Variants in TFEC observed in about 807,000 individuals in gnomAD.
TFEC encodes transcription factor EC.
Under a neutral mutation model 41.6 loss-of-function variants are expected in TFEC, and 31 were observed. The ratio of observed to expected loss-of-function variants is 0.74; its 90% CI spans 0.56 to 1.01. TFEC has a LOEUF of 1.01. TFEC is among the 50% of genes least tolerant of loss of function. The pLI, the probability that TFEC is intolerant of heterozygous loss-of-function variation, is 0.00. For missense variants in TFEC, 402 were observed against 404.1 expected (o/e 0.99, Z 0.04); for synonymous variants, 143 against 140.6 (o/e 1.02, Z -0.12).
At chr7:116,105,265 A>G (rs1480507170) in intron 3 of TFEC, among the ~76,000 whole-genome samples, 1 of 152,212 alleles carries the variant, frequency 6.6e-6, no homozygotes, top group Non-Finnish European at 1.5e-5. Context: ...CCACTAGTAC[A>G]TATGCAGTAG....
chr7:116,153,776 A>C (rs1798812802), intron 1 of TFEC, among the ~76,000 whole-genome samples: 1 of 152,216 alleles, frequency 6.6e-6, no homozygotes, highest in Non-Finnish European at 1.5e-5. Flanking sequence ...CACTGCATAA[A>C]AAAAAGATTA....
chr7:116,043,443 G>T (rs2130928477), intron 3 of TFEC, among the ~76,000 whole-genome samples: 1 of 152,190 alleles, frequency 6.6e-6, no homozygotes, highest in South Asian at 2.1e-4. Flanking sequence ...ATGGAAAAAA[G>T]TTCTTAAAGG....
At chr7:115,978,080 G>C (rs1454339606) in intron 2 of TFEC, among the ~76,000 whole-genome samples, 1 of 151,998 alleles carries the variant, frequency 6.6e-6, no homozygotes, top group Non-Finnish European at 1.5e-5. Context: ...GAATATAAAT[G>C]AGTTAACATA....
intron 6 of TFEC, 94 bp downstream of exon 6, chr7:115,950,780 C>T: frequency 1.1e-6 from 1 of 898,968 alleles, no homozygotes. Flanking sequence ...TGCTTAGTTT[C>T]CTAGTCATTG....
intron 1 of TFEC, among the ~76,000 whole-genome samples, chr7:115,991,996 A>G (rs1040212801): frequency 1.3e-5 from 2 of 152,224 alleles, no homozygotes; most frequent in Non-Finnish European, 2.9e-5. Flanking sequence ...CAGAAAATAT[A>G]ACAAACTGTC....
intron 6 of TFEC, among the ~76,000 whole-genome samples, chr7:115,945,473 G>T (rs1791481487): frequency 1.3e-5 from 2 of 151,596 alleles, no homozygotes; most frequent in East Asian, 3.9e-4. Context: ...AGGGACACTG[G>T]AGTAACAGGT....
intron 1 of TFEC, among the ~76,000 whole-genome samples, chr7:115,990,535 T>G (rs890764453): frequency 1.3e-5 from 2 of 152,106 alleles, no homozygotes; most frequent in African/African-American, 4.8e-5. Context: ...GAGAAGACCT[T>G]GAATGACCTG....
At chr7:116,116,332 CA>C (rs1797987705) in intron 1 of TFEC, among the ~76,000 whole-genome samples, 1 of 151,826 alleles carries the variant, frequency 6.6e-6, no homozygotes, top group Non-Finnish European at 1.5e-5. Flanking sequence ...GATGAACTTT[CA>C]TGTGAAGGAG....
intron 3 of TFEC, among the ~76,000 whole-genome samples, chr7:116,036,424 A>G (rs1387849232): frequency 6.6e-6 from 1 of 152,092 alleles, no homozygotes; most frequent in African/African-American, 2.4e-5. Flanking sequence ...ACAAAACTTA[A>G]AAGTGCTAGC....
chr7:116,094,226 G>A (rs1265383210), intron 3 of TFEC, among the ~76,000 whole-genome samples: 1 of 152,130 alleles, frequency 6.6e-6, no homozygotes, highest in Non-Finnish European at 1.5e-5. Context: ...CCTGAACAAT[G>A]TTATAAAAGT....
At chr7:116,012,868 T>A (rs1181041078) in intron 1 of TFEC, among the ~76,000 whole-genome samples, 2 of 150,512 alleles carry the variant, frequency 1.3e-5, no homozygotes, top group African/African-American at 4.9e-5. Flanking sequence ...AATGGTCTTA[T>A]ACTATCTTAG....
chr7:115,955,774 TTAA>T (rs772272687), intron 4 of TFEC, among the ~76,000 whole-genome samples: 11 of 152,170 alleles, frequency 7.2e-5, no homozygotes, highest in East Asian at 1.9e-4. Context: ...GTTTAAAAAG[TTAA>T]TAAGATAATA....
At chr7:116,077,618 A>T (rs1796989873) in intron 3 of TFEC, among the ~76,000 whole-genome samples, 1 of 152,140 alleles carries the variant, frequency 6.6e-6, no homozygotes, top group African/African-American at 2.4e-5. Flanking sequence ...TGCAAGCAAG[A>T]GTAGTTATTC....
chr7:115,966,470 T>C (rs1035341038), intron 3 of TFEC, among the ~76,000 whole-genome samples: 1 of 151,782 alleles, frequency 6.6e-6, no homozygotes, highest in Admixed American at 6.6e-5. Flanking sequence ...GCATATTTCA[T>C]AGTAATAATT....
chr7:115,941,040 G>A (rs948396631), intron 7 of TFEC, 109 bp from the exon 8 acceptor site: 4 of 988,986 alleles, frequency 4.0e-6, no homozygotes, highest in Non-Finnish European at 5.9e-6. Flanking sequence ...AAAATGAAGA[G>A]TAATACAATA....
chr7:116,154,222 G>C (rs1041676317), intron 1 of TFEC, among the ~76,000 whole-genome samples: 1 of 152,058 alleles, frequency 6.6e-6, no homozygotes, highest in Non-Finnish European at 1.5e-5. Context: ...TGAAATGAGA[G>C]GGTGAGATGC....
At chr7:116,148,999 A>G (rs989706627) in intron 1 of TFEC, among the ~76,000 whole-genome samples, 3 of 152,150 alleles carry the variant, frequency 2.0e-5, no homozygotes, top group African/African-American at 7.2e-5. Context: ...TGATAGAGTA[A>G]AAAGGAAAAC....
intron 1 of TFEC, among the ~76,000 whole-genome samples, chr7:115,997,117 G>A (rs1320043137): frequency 1.3e-5 from 2 of 152,068 alleles, no homozygotes; most frequent in African/African-American, 2.4e-5. Flanking sequence ...TGGTTACCAC[G>A]GGCCTTGGGC....
chr7:116,144,985 G>A (rs1798614176), intron 1 of TFEC, among the ~76,000 whole-genome samples: 1 of 152,028 alleles, frequency 6.6e-6, no homozygotes, highest in African/African-American at 2.4e-5. Context: ...GTTTCTCTGA[G>A]GAACCCTGAC....
Sources: gnomAD v4.1 joint callset for allele counts (sites outside exome capture counted in the v4.1 genomes callset) on GRCh38, gnomAD v4.1.1 for gene constraint, MANE v1.5 for transcripts, NCBI Gene and HGNC (gene_info 2026-07-23, HGNC 2026-07-21) for gene names.